The following TBATA variants were observed in gnomAD, a reference collection of about 807,000 sequenced individuals.
TBATA encodes thymus, brain and testes associated, also known as protein TBATA.
Under a neutral mutation model 38.7 loss-of-function variants are expected in TBATA, and 47 were observed. The ratio of observed to expected loss-of-function variants is 1.21; its 90% CI spans 0.96 to 1.55. TBATA has a LOEUF of 1.55. Among genes scored for constraint, TBATA ranks in the 40% most tolerant of loss-of-function variants. The pLI, the probability that TBATA is intolerant of heterozygous loss-of-function variation, is 0.00. For missense variants in TBATA, 436 were observed against 435.6 expected (o/e 1.00, Z -0.01); for synonymous variants, 183 against 170.5 (o/e 1.07, Z -0.57).
Position 70,781,985 on chromosome 10 carries a change from G to T in TBATA, c.93C>A (p.Ser31Arg). 5 of 1,614,250 alleles carry T rather than the reference G, an allele frequency of 3.1e-6. No homozygotes were observed. Among genetic ancestry groups the T allele is most frequent in the Non-Finnish European group, 4.2e-6 (5 of 1,180,050 alleles). ...LEKKSGRKPRSPRDSGPQKEL... is the reference protein window; with the variant it reads ...LEKKSGRKPRRPRDSGPQKEL... ...CTTTCTGTGGCCCACTGTCCCTGGG[G>T]CTCCTTGGCTTGCGCCCTGACTTCT... The change falls in exon 4 of 11, where the codon AGC (serine) becomes AGA (arginine). Residue 31 changes from serine to arginine, a missense_variant. Physicochemically the swap from Ser to Arg is moderately radical, Grantham distance 110 (BLOSUM62 -1). Coordinates refer to ENST00000456372, the MANE Select transcript of TBATA (RefSeq NM_001318241.2).
At chr10:70,772,204 C>A in intron 10 of TBATA, 1 of 566,428 alleles carries the variant, frequency 1.8e-6, no homozygotes, top group Non-Finnish European at 3.5e-6. Flanking sequence ...TGTTATTCTC[C>A]TTACAGTATC....
chr10:70,774,438 C>T, intron 8 of TBATA, 81 bp from the exon 9 acceptor site: 1 of 1,391,070 alleles, frequency 7.2e-7, no homozygotes, highest in Middle Eastern at 2.2e-4. Context: ...GCAGGGCCTC[C>T]ATCCAGGGCA....
Position 70,778,549 on chromosome 10 carries a change from G to A in TBATA, c.507+8C>T, listed in dbSNP as rs766080288. 2.0e-5 allele frequency: 32 copies of A among 1,613,206 alleles called. 1 individual carries two copies. In the South Asian group the frequency reaches 2.5e-4, roughly 13 times the overall value. ...CTTCCCAGACTAGCTCCTGTGTTCCGCACCCACCTCTTTCTTCTTCAGTTC... is the reference window on the plus strand; with the variant it reads ...CTTCCCAGACTAGCTCCTGTGTTCCACACCCACCTCTTTCTTCTTCAGTTC... On this transcript the variant is annotated splice_region_variant and intron_variant, in intron 6 of 10. Transcript: ENST00000456372.
At chr10:70,776,328 C>A (rs552916458) in intron 7 of TBATA, 23 of 456,248 alleles carry the variant, frequency 5.0e-5, no homozygotes, top group Non-Finnish European at 9.7e-5. Context: ...AACTTACCTG[C>A]CTTGTGCCCC....
At chr10:70,778,930 C>T (rs1843771801) in intron 5 of TBATA, among the ~76,000 whole-genome samples, 1 of 152,198 alleles carries the variant, frequency 6.6e-6, no homozygotes, top group African/African-American at 2.4e-5. Flanking sequence ...TATTTGGTTA[C>T]CTGTGCCAAG....
At chr10:70,772,425 C>A in intron 10 of TBATA, 89 bp downstream of exon 10, 3 of 1,204,976 alleles carry the variant, frequency 2.5e-6, no homozygotes, top group South Asian at 2.4e-5. Flanking sequence ...GGCAGGGACT[C>A]ATCTCCAAGT....
chr10:70,778,537 C>T lies in TBATA; in HGVS notation c.507+20G>A, dbSNP rs749990983. ...TCCGTTTCTCCTCTTCCCAGACTAGCTCCTGTGTTCCGCACCCACCTCTTT... is the reference window on the plus strand; with the variant it reads ...TCCGTTTCTCCTCTTCCCAGACTAGTTCCTGTGTTCCGCACCCACCTCTTT... On this transcript the variant is annotated intron_variant, in intron 6 of 10. Coordinates refer to ENST00000456372, the MANE Select transcript of TBATA (RefSeq NM_001318241.2). 3.8e-5 allele frequency: 61 copies of T among 1,611,522 alleles called. No individual in the cohort carries two copies. The highest frequency in any genetic ancestry group is 5.0e-5 in the Non-Finnish European group (59 of 1,177,700).
rs1282147561 is a variant in TBATA at position 70,775,282 on chromosome 10, A to T, written c.694-12T>A. 6.2e-7 allele frequency: 1 copy of T among 1,611,746 alleles called. No individual in the cohort carries two copies. The highest frequency in any genetic ancestry group is 1.3e-5 in the African/African-American group (1 of 74,888). On this transcript the variant is annotated splice_polypyrimidine_tract_variant and intron_variant, in intron 7 of 10. Coordinates refer to ENST00000456372, the MANE Select transcript of TBATA (RefSeq NM_001318241.2). ...AGGAGCTCCAGGACCTGTGGGCAGG[A>T]GGCCAGCACATTCCAGCCAGGAGTA... is the stretch of plus-strand genomic sequence containing the variant.
At chr10:70,771,649 C>CT (rs1281670947) in intron 10 of TBATA, among the ~76,000 whole-genome samples, 188 bp from the exon 11 acceptor site, 1 of 152,234 alleles carries the variant, frequency 6.6e-6, no homozygotes, top group African/African-American at 2.4e-5. Context: ...TCCAACCTCT[C>CT]TTCTTTCAAC....
In TBATA at chr10:70,778,610, G is replaced by A; in HGVS notation, c.454C>T (p.Leu152=). 1 of 1,614,162 alleles carries A rather than the reference G, an allele frequency of 6.2e-7. No individual in the cohort carries two copies. Among genetic ancestry groups the A allele is most frequent in the East Asian group, 2.2e-5 (1 of 44,862 alleles). The change falls in exon 6 of 11, where the codon CTA becomes TTA. Residue 152 remains leucine (L), a synonymous_variant. Coordinates refer to ENST00000456372, the MANE Select transcript of TBATA (RefSeq NM_001318241.2). ...GTGAGGAAGGCCACCCGGGAAGCTAGCTCCTTCAACTCCTTCTTCCAGGCT... is the reference window on the plus strand; with the variant it reads ...GTGAGGAAGGCCACCCGGGAAGCTAACTCCTTCAACTCCTTCTTCCAGGCT... ...SEAWKKELKE[L]ASRVAFLTKE...
At chr10:70,780,334 G>A (rs575316141) in intron 4 of TBATA, among the ~76,000 whole-genome samples, 1 of 152,272 alleles carries the variant, frequency 6.6e-6, no homozygotes, top group South Asian at 2.1e-4. Flanking sequence ...GAGGCTTGAA[G>A]ATCGGCCTGG....
At position 70,783,525 on chromosome 10, in the gene TBATA, A is replaced by C. The variant is rs996819008; in HGVS notation, c.-146T>G. 1 of 834,316 alleles carries C rather than the reference A, an allele frequency of 1.2e-6. No homozygotes were observed. 51.7% of individuals were successfully genotyped at this position (834,316 alleles called of 1,614,324 possible). On this transcript the variant is annotated splice_region_variant and 5_prime_UTR_variant, in exon 3 of 11. Transcript: ENST00000456372. The stretch of plus-strand genomic sequence containing the variant: ...GGTGGAAGTGTAAACGGGAACAGGC[A>C]CTTTAGGGGGAGAAATGGTAATATC...
rs1231153241 is a variant in TBATA, at chr10:70,782,121, G to A, written c.42-85C>T. On this transcript the variant is annotated intron_variant, in intron 3 of 10. Transcript: ENST00000456372. ...GGCTCAGAGCTCAGTGCTTGTTACA[G>A]AACCCCTTCCTGAGGAGCTCTGAAA... 4 of 1,428,354 alleles carry A rather than the reference G, an allele frequency of 2.8e-6. No homozygotes were observed. In the African/African-American group the frequency reaches 5.7e-5, roughly 20 times the overall value. 88.5% of individuals were successfully genotyped at this position (1,428,354 alleles called of 1,614,324 possible).
In TBATA at chr10:70,783,527, T is replaced by C. The variant is rs1471726900; in HGVS notation, c.-146-2A>G. The C allele has an allele frequency of 1.8e-5, 15 of 816,750 alleles. No homozygotes were observed. 50.6% of individuals were successfully genotyped at this position (816,750 alleles called of 1,614,324 possible). A position where few individuals can be genotyped will look rare whatever the true frequency, so the allele number is the denominator to read the frequency against. ...TGGAAGTGTAAACGGGAACAGGCAC[T>C]TTAGGGGGAGAAATGGTAATATCTT... On this transcript the variant is annotated splice_acceptor_variant, in intron 2 of 10. Coordinates refer to ENST00000456372, the MANE Select transcript of TBATA (RefSeq NM_001318241.2). LOFTEE classifies it low-confidence loss of function (5UTR_SPLICE).
At chr10:70,779,848 C>T in intron 4 of TBATA, 106 bp from the exon 5 acceptor site, 1 of 1,142,906 alleles carries the variant, frequency 8.7e-7, no homozygotes, top group Non-Finnish European at 1.2e-6. Context: ...TCCACCTCTT[C>T]CAGTAACCAC....
At chr10:70,778,278 T>G (rs762270736) in intron 6 of TBATA, among the ~76,000 whole-genome samples, 1 of 152,180 alleles carries the variant, frequency 6.6e-6, no homozygotes, top group Admixed American at 6.5e-5. Context: ...GCTTTTGAGC[T>G]GCTGTGCTAG....
chr10:70,772,437 G>A lies in TBATA; in HGVS notation c.973+77C>T, dbSNP rs993363955. ...TTGGGCAGGGACTCATCTCCAAGTT[G>A]ACTGGAATCCCCTGAGAAATCCAGC... On this transcript the variant is annotated intron_variant, in intron 10 of 10. Transcript: ENST00000456372. 5.0e-6 allele frequency: 7 copies of A among 1,398,646 alleles called. No homozygotes were observed. The African/African-American group carries it at 9.9e-5, about 20-fold the overall frequency. 86.6% of individuals were successfully genotyped at this position (1,398,646 alleles called of 1,614,324 possible). A position where few individuals can be genotyped will look rare whatever the true frequency, so the allele number is the denominator to read the frequency against.
At chr10:70,775,319 TAC>T (rs1279076851) in intron 7 of TBATA, 49 bp from the exon 8 acceptor site, 7 of 1,536,188 alleles carry the variant, frequency 4.6e-6, no homozygotes, top group Non-Finnish European at 6.3e-6. Context: ...AGGCAAGGAG[TAC>T]AGGCAAATGT....
chr10:70,771,482 A>C, intron 10 of TBATA, 21 bp from the exon 11 acceptor site: 1 of 1,610,664 alleles, frequency 6.2e-7, no homozygotes, highest in South Asian at 1.1e-5. Flanking sequence ...GAGAGACAGC[A>C]GGCAGGAGAG....
Sources: gnomAD v4.1 joint callset for allele counts (sites outside exome capture counted in the v4.1 genomes callset) on GRCh38, gnomAD v4.1.1 for gene constraint, MANE v1.5 for transcripts, NCBI Gene and HGNC (gene_info 2026-07-23, HGNC 2026-07-21) for gene names.